The following ZFP41 variants were observed in gnomAD, a reference collection of about 807,000 sequenced individuals.
ZFP41 encodes zinc finger protein 41 homolog.
In ZFP41, 10 loss-of-function variants were observed where a neutral mutation model predicts 11.6. The observed-to-expected ratio is 0.86, with a 90% CI of 0.53 to 1.47. ZFP41 has a LOEUF of 1.47. Among genes scored for constraint, ZFP41 ranks in the 40% most tolerant of loss-of-function variants. The pLI is 0.00. For synonymous variants in ZFP41, 123 were observed against 100.9 expected (o/e 1.22, Z -1.31); for missense variants, 302 against 264.6 (o/e 1.14, Z -0.98).
chr8:143,260,195 G>GGGAAGCACCTTCTGAAATC lies in ZFP41; in HGVS notation c.*1330_*1331insTTCTGAAATCGGAAGCACC, dbSNP rs1815008583. 1 of 152,100 alleles carries GGGAAGCACCTTCTGAAATC rather than the reference G, an allele frequency of 6.6e-6. No individual in the cohort carries two copies. The highest frequency in any genetic ancestry group is 2.4e-5 in the African/African-American group (1 of 41,222). 9.4% of individuals were successfully genotyped at this position (152,100 alleles called of 1,614,324 possible). A position where few individuals can be genotyped will look rare whatever the true frequency, so the allele number is the denominator to read the frequency against. On this transcript the variant is annotated 3_prime_UTR_variant, in exon 3 of 3. Coordinates refer to ENST00000330701, the MANE Select transcript of ZFP41 (RefSeq NM_173832.6). ...GGGAAGCACCTTCTGAAATCGTGCA[G>GGGAAGCACCTTCTGAAATC]GGAAGCACCCTCTGAAATCGTGCAG...
At position 143,249,977 on chromosome 8, in the gene ZFP41, A is replaced by C; in HGVS notation, c.134A>C (p.Lys45Thr). The part of the protein sequence containing the change: ...KPPERPTVPR[K>T]PRTEPCLSPE... ...CCTGAGAGGCCCACTGTGCCCAGGA[A>C]GCCCCGCACAGAGCCCTGCCTGAGT... The change falls in exon 2 of 3, where the codon AAG (lysine) becomes ACG (threonine). Residue 45 changes from lysine (K) to threonine (T), a missense_variant. Transcript: ENST00000330701. 1 of 1,614,114 alleles carries C rather than the reference A, an allele frequency of 6.2e-7. No individual in the cohort carries two copies. Among genetic ancestry groups the C allele is most frequent in the Non-Finnish European group, 8.5e-7 (1 of 1,179,992 alleles).
rs1816759034 is a variant in ZFP41, at chr8:143,249,734, G to A, written c.-110G>A. ...CTTGGCCTCCTGGTGCAGAGCATCA[G>A]TCCCACGCTGGGAGTGTGGAGAGGT... On this transcript the variant is annotated 5_prime_UTR_variant, in exon 2 of 3. Transcript: ENST00000330701. The A allele has an allele frequency of 1.4e-6, 2 of 1,457,898 alleles. No homozygotes were observed. Among genetic ancestry groups the A allele is most frequent in the African/African-American group, 1.4e-5 (1 of 70,424 alleles). 90.3% of individuals were successfully genotyped at this position (1,457,898 alleles called of 1,614,324 possible).
chr8:143,254,584 T>C (rs1026965590), intron 2 of ZFP41, among the ~76,000 whole-genome samples: 1 of 151,718 alleles, frequency 6.6e-6, no homozygotes, highest in Non-Finnish European at 1.5e-5. Flanking sequence ...TTACTTATGA[T>C]AGTATGATCG....
chr8:143,259,390 G>A (rs1229200124), intron 2 of ZFP41, among the ~76,000 whole-genome samples: 1 of 152,242 alleles, frequency 6.6e-6, no homozygotes, highest in Non-Finnish European at 1.5e-5. Context: ...ACGGGCCCCT[G>A]GGTGGTATCT....
rs1047777626 is a variant in ZFP41 at position 143,247,066 on chromosome 8, T to G, written c.-231T>G. On this transcript the variant is annotated 5_prime_UTR_variant, in exon 1 of 3. Transcript: ENST00000330701. ...GAGGGGCGCGCGCCTCTCCCCGCCCTCCAGCAGTCCTGGTAGGGCCCGGGC... is the reference window on the plus strand; with the variant it reads ...GAGGGGCGCGCGCCTCTCCCCGCCCGCCAGCAGTCCTGGTAGGGCCCGGGC... 6.6e-6 allele frequency: 1 copy of G among 152,424 alleles called. No individual in the cohort carries two copies. The highest frequency in any genetic ancestry group is 1.5e-5 in the Non-Finnish European group (1 of 68,322). The allele number at this position is 152,424 out of a possible 1,614,324, so 9.4% of individuals were successfully genotyped here.
In ZFP41 at chr8:143,260,286, A is replaced by T. The variant is rs1815010328; in HGVS notation, c.*1412A>T. On this transcript the variant is annotated 3_prime_UTR_variant, in exon 3 of 3. Transcript: ENST00000330701. The stretch of plus-strand genomic sequence containing the variant: ...TTCACTTGGTTCCCAAATTTCTTCA[A>T]AGGTCAAAACCATCACAGTGGGCAA... 1 of 153,352 alleles carries T rather than the reference A, an allele frequency of 6.5e-6. No homozygotes were observed. The highest frequency in any genetic ancestry group is 1.5e-5 in the Non-Finnish European group (1 of 68,700). The allele number at this position is 153,352 out of a possible 1,614,324, so 9.5% of individuals were successfully genotyped here.
intron 2 of ZFP41, chr8:143,252,546 A>G (rs922196097): frequency 1.8e-6 from 1 of 554,306 alleles, no homozygotes; most frequent in African/African-American, 2.0e-5. Flanking sequence ...ACCAGAGGGG[A>G]GCCGTGGCGC....
intron 2 of ZFP41, among the ~76,000 whole-genome samples, chr8:143,258,054 G>A (rs974233898): frequency 6.6e-6 from 1 of 152,200 alleles, no homozygotes; most frequent in Non-Finnish European, 1.5e-5. Context: ...GGCCAGGCAC[G>A]GTGGCTCATT....
intron 2 of ZFP41, among the ~76,000 whole-genome samples, chr8:143,258,303 T>G (rs1814959350): frequency 6.6e-6 from 1 of 152,216 alleles, no homozygotes; most frequent in South Asian, 2.1e-4. Context: ...TCTGCAGACG[T>G]GAGCAGGAGT....
chr8:143,250,460 T>G lies in ZFP41; in HGVS notation c.*20T>G. 6.2e-7 allele frequency: 1 copy of G among 1,601,804 alleles called. No individual in the cohort carries two copies. Among genetic ancestry groups the G allele is most frequent in the Non-Finnish European group, 8.5e-7 (1 of 1,173,602 alleles). On this transcript the variant is annotated 3_prime_UTR_variant, in exon 2 of 3. Coordinates refer to ENST00000330701, the MANE Select transcript of ZFP41 (RefSeq NM_173832.6). ...CCCTGAGCCGGGGCCATCTGCGGAC[T>G]CGGGCCCTGCGGTGCGAGCCTCGCC...
At chr8:143,259,592 C>T (rs889130259) in intron 2 of ZFP41, among the ~76,000 whole-genome samples, 183 bp from the exon 3 acceptor site, 1 of 151,874 alleles carries the variant, frequency 6.6e-6, no homozygotes, top group Non-Finnish European at 1.5e-5. Context: ...ACTTCCACGC[C>T]CCCCACTGAT....
rs1815050585 is a variant in ZFP41, at chr8:143,261,898, CCACGCCCG to C, written c.*3025_*3032del. The stretch of plus-strand genomic sequence containing the variant: ...CCACGCCCGTCTCCGGCAGCACCTG[CCACGCCCG>C]TCTCCGGCAGCACCTGCCACGCCCG... On this transcript the variant is annotated 3_prime_UTR_variant, in exon 3 of 3. Coordinates refer to ENST00000330701, the MANE Select transcript of ZFP41 (RefSeq NM_173832.6). 8.8e-6 allele frequency: 1 copy of C among 113,084 alleles called. No individual in the cohort carries two copies. The highest frequency in any genetic ancestry group is 1.8e-5 in the Non-Finnish European group (1 of 56,950). 7.0% of individuals were successfully genotyped at this position (113,084 alleles called of 1,614,324 possible). A position where few individuals can be genotyped will look rare whatever the true frequency, so the allele number is the denominator to read the frequency against.
chr8:143,251,557 A>G (rs1009850001), intron 2 of ZFP41, among the ~76,000 whole-genome samples: 6 of 152,186 alleles, frequency 3.9e-5, no homozygotes, highest in African/African-American at 9.6e-5. Context: ...AGCTGTTTAG[A>G]CGTGAAACAC....
At chr8:143,253,678 C>T (rs1030538084) in intron 2 of ZFP41, 9 of 152,248 alleles carry the variant, frequency 5.9e-5, no homozygotes, top group Non-Finnish European at 1.2e-4. Context: ...CTGTCCCCTC[C>T]AGATCTTATG....
chr8:143,255,005 C>T (rs1354270072), intron 2 of ZFP41, among the ~76,000 whole-genome samples: 4 of 152,156 alleles, frequency 2.6e-5, no homozygotes, highest in South Asian at 2.1e-4. Context: ...GCCAATAGGA[C>T]GGATTCCCAG....
Position 143,249,969 on chromosome 8 carries a change from G to C in ZFP41, c.126G>C (p.Val42=). ...GAAAGCCACCTGAGAGGCCCACTGT[G>C]CCCAGGAAGCCCCGCACAGAGCCCT... ...GDRKPPERPT[V]PRKPRTEPCL... Residue 42 remains valine (V), a synonymous_variant, in exon 2 of 3, where the codon GTG becomes GTC. Transcript: ENST00000330701. 6 of 1,614,080 alleles carry C rather than the reference G, an allele frequency of 3.7e-6. No homozygotes were observed. The highest frequency in any genetic ancestry group is 5.1e-6 in the Non-Finnish European group (6 of 1,179,976).
chr8:143,251,887 C>G (rs1229325709), intron 2 of ZFP41, among the ~76,000 whole-genome samples: 1 of 152,228 alleles, frequency 6.6e-6, no homozygotes, highest in Non-Finnish European at 1.5e-5. Flanking sequence ...TCCCTCTGCA[C>G]TCAGACGTGT....
At chr8:143,248,998 A>ATG (rs1409499438) in intron 1 of ZFP41, 9 of 152,274 alleles carry the variant, frequency 5.9e-5, no homozygotes, top group Non-Finnish European at 1.2e-4. Flanking sequence ...CAAAGTATTT[A>ATG]TGTGTTGAGT....
At chr8:143,251,632 G>T (rs1008014154) in intron 2 of ZFP41, among the ~76,000 whole-genome samples, 1 of 152,236 alleles carries the variant, frequency 6.6e-6, no homozygotes, top group African/African-American at 2.4e-5. Context: ...AGCTGGAGAT[G>T]GCCTTGGCCT....
Sources: allele counts gnomAD v4.1 joint callset (sites outside exome capture counted in the v4.1 genomes callset), GRCh38; gene constraint gnomAD v4.1.1; transcripts MANE v1.5; gene names NCBI Gene and HGNC (gene_info 2026-07-23, HGNC 2026-07-21).